Variants in ITGA6 observed in about 807,000 individuals in gnomAD.
ITGA6 encodes the protein integrin subunit alpha 6.
In ITGA6, 63 loss-of-function variants were observed where a neutral mutation model predicts 133.6. The observed-to-expected ratio is 0.47, with a 90% CI of 0.38 to 0.58. The LOEUF (loss-of-function observed/expected upper bound fraction) is 0.58, where lower values mean the gene tolerates loss of function less well. Among genes scored for constraint, ITGA6 ranks in the 20% least tolerant of loss-of-function variants. The pLI is 0.00. For synonymous variants in ITGA6, 434 were observed against 482.0 expected, an observed-to-expected ratio of 0.90 and a Z score of 1.30; for missense variants, 1,068 against 1,309.4, an observed-to-expected ratio of 0.82 and a Z score of 2.85.
chr2:172,480,180 T>A (rs2149056913), intron 11 of ITGA6, 129 bp downstream of exon 11: 2 of 699,392 alleles, frequency 2.9e-6, no homozygotes, highest in East Asian at 2.7e-5. Flanking sequence ...AAGAATTAAG[T>A]GTATGTTTTG....
At chr2:172,450,509 A>T (rs888753019) in intron 1 of ITGA6, among the ~76,000 whole-genome samples, 1 of 152,216 alleles carries the variant, frequency 6.6e-6, no homozygotes, top group African/African-American at 2.4e-5. Flanking sequence ...ACTGGAAAGG[A>T]ACTACTGAGA....
At chr2:172,494,386 T>TA (rs1225515192) in intron 23 of ITGA6, among the ~76,000 whole-genome samples, 1 of 152,078 alleles carries the variant, frequency 6.6e-6, no homozygotes, top group Admixed American at 6.5e-5. Context: ...CACATGCCTG[T>TA]ATTCCCAGCT....
chr2:172,462,643 G>A (rs146513370), intron 1 of ITGA6, among the ~76,000 whole-genome samples: 22 of 152,276 alleles, frequency 1.4e-4, no homozygotes, highest in Non-Finnish European at 2.5e-4. Context: ...TGTCCCACAC[G>A]TATTAGTTAC....
At position 172,465,662 on chromosome 2, in the gene ITGA6, T is replaced by C. The variant is rs1436079534; in HGVS notation, c.306T>C (p.Asp102=). The change falls in exon 2 of 26, where the codon GAT becomes GAC. Residue 102 remains aspartate, a splice_region_variant and synonymous_variant. Coordinates refer to ENST00000684293, the MANE Select transcript of ITGA6 (RefSeq NM_000210.4). ...GPCTRIEFDN[D]ADPTSESKED... The stretch of plus-strand genomic sequence containing the variant: ...GCACGCGGATCGAGTTTGATAACGA[T>C]GGTGCGTTCCTTTCCCTCACTCAGC... 1.1e-5 allele frequency: 17 copies of C among 1,614,040 alleles called. No homozygotes were observed. The highest frequency in any genetic ancestry group is 3.3e-4 in the Middle Eastern group (2 of 6,080).
At chr2:172,468,785 A>G (rs1238513794) in intron 3 of ITGA6, among the ~76,000 whole-genome samples, 1 of 152,226 alleles carries the variant, frequency 6.6e-6, no homozygotes, top group Non-Finnish European at 1.5e-5. Flanking sequence ...CTAAAAGCCA[A>G]TTTGAATTAA....
chr2:172,444,044 G>A (rs899078162), intron 1 of ITGA6, among the ~76,000 whole-genome samples: 4 of 152,198 alleles, frequency 2.6e-5, no homozygotes, highest in Non-Finnish European at 4.4e-5. Context: ...AAAGTTCTGG[G>A]ATTACAGGAG....
intron 1 of ITGA6, among the ~76,000 whole-genome samples, chr2:172,437,838 G>A (rs1251930735): frequency 1.3e-5 from 2 of 151,888 alleles, no homozygotes; most frequent in Non-Finnish European, 2.9e-5. Context: ...ATGGCAGGAG[G>A]AGAGGGAGGG....
At chr2:172,500,835 G>A (rs1054306047) in intron 24 of ITGA6, among the ~76,000 whole-genome samples, 3 of 152,154 alleles carry the variant, frequency 2.0e-5, no homozygotes, top group Admixed American at 6.5e-5. Flanking sequence ...AATATGGCTG[G>A]TTCACTTGAG....
chr2:172,428,022 G>A lies in ITGA6; in HGVS notation c.182+52G>A, dbSNP rs551444539. 7.0e-6 allele frequency: 11 copies of A among 1,565,464 alleles called. No homozygotes were observed. In the African/African-American group the frequency reaches 1.5e-4, roughly 22 times the overall value. On this transcript the variant is annotated intron_variant, in intron 1 of 25. Coordinates refer to ENST00000684293, the MANE Select transcript of ITGA6 (RefSeq NM_000210.4). ...CACTGGGGCGCCGGCCTGCGCGCGA[G>A]TTGAGGCGAGGGCGCGCCCTGTTCC...
At chr2:172,470,904 A>AT in intron 4 of ITGA6, 70 bp from the exon 5 acceptor site, 7 of 1,533,042 alleles carry the variant, frequency 4.6e-6, no homozygotes, top group Non-Finnish European at 6.3e-6. Context: ...GGGGATGTTT[A>AT]TTAGGAACCA....
intron 5 of ITGA6, chr2:172,472,776 C>A (rs1196446655): frequency 1.2e-6 from 2 of 1,603,124 alleles, no homozygotes; most frequent in Non-Finnish European, 8.5e-7. Flanking sequence ...GCGTACAGGC[C>A]TGCTGTTTTT....
chr2:172,432,408 C>T (rs987687521), intron 1 of ITGA6, among the ~76,000 whole-genome samples: 2 of 152,238 alleles, frequency 1.3e-5, no homozygotes, highest in African/African-American at 2.4e-5. Flanking sequence ...AGGGGTCTTA[C>T]ATTCATTTCT....
At chr2:172,437,571 A>G (rs925482500) in intron 1 of ITGA6, among the ~76,000 whole-genome samples, 7 of 152,036 alleles carry the variant, frequency 4.6e-5, no homozygotes, top group Non-Finnish European at 7.3e-5. Flanking sequence ...ATGGTTTTAG[A>G]TATGTCAGGT....
Position 172,469,367 on chromosome 2 carries a change from T to C in ITGA6, c.630T>C (p.Thr210=), listed in dbSNP as rs1685817651. 1 of 1,613,760 alleles carries C rather than the reference T, an allele frequency of 6.2e-7. No homozygotes were observed. Among genetic ancestry groups the C allele is most frequent in the African/African-American group, 1.3e-5 (1 of 74,928 alleles). The change falls in exon 4 of 26, where the codon ACT becomes ACC. Residue 210 remains threonine (T), a synonymous_variant. Transcript: ENST00000684293. ...ACATTGTATTTGGAGCCCCGGGTAC[T>C]TATAACTGGAAAGGTATGACCTTTG... ...FHYIVFGAPG[T]YNWKGIVRVE...
In ITGA6 at chr2:172,471,081, C is replaced by T. The variant is rs1210673645; in HGVS notation, c.751C>T (p.Pro251Ser). The change falls in exon 5 of 26, where the codon CCT (proline) becomes TCT (serine). Residue 251 changes from proline (P) to serine (S), a missense_variant. Around this residue, in one of 3 missense-constraint regions of ITGA6, gnomAD observed 317 missense variants for 456.9 expected, o/e 0.69. Coordinates refer to ENST00000684293, the MANE Select transcript of ITGA6 (RefSeq NM_000210.4). ...GACTGAGCATGATGAAAGTCTCGTT[C>T]CTGTTCCTGCTAACAGTTACTTAGG... is the stretch of plus-strand genomic sequence containing the variant. Reference protein sequence around the residue: ...GETEHDESLVPVPANSYLGFS... With the variant: ...GETEHDESLVSVPANSYLGFS... 1.2e-6 allele frequency: 2 copies of T among 1,614,192 alleles called. No homozygotes were observed. Among genetic ancestry groups the T allele is most frequent in the Non-Finnish European group, 8.5e-7 (1 of 1,180,016 alleles).
chr2:172,428,299 C>T (rs958862919), intron 1 of ITGA6: 9 of 158,570 alleles, frequency 5.7e-5, no homozygotes, highest in African/African-American at 1.2e-4. Context: ...GCAGGTGGCA[C>T]GCTTTGCTGA....
chr2:172,429,622 G>T, intron 1 of ITGA6, among the ~76,000 whole-genome samples: 1 of 152,212 alleles, frequency 6.6e-6, no homozygotes, highest in East Asian at 1.9e-4. Flanking sequence ...TTAGCAGCAT[G>T]CTTGCTAAAA....
chr2:172,455,928 C>A (rs905733084), intron 1 of ITGA6, among the ~76,000 whole-genome samples: 3 of 152,330 alleles, frequency 2.0e-5, no homozygotes, highest in East Asian at 3.9e-4. Flanking sequence ...GAGGCAGAGG[C>A]ACAGGGTTTG....
intron 1 of ITGA6, among the ~76,000 whole-genome samples, chr2:172,458,545 T>C (rs1006146511): frequency 1.3e-5 from 2 of 152,156 alleles, no homozygotes; most frequent in African/African-American, 4.8e-5. Flanking sequence ...GAAGAGTGGT[T>C]TGCAGTCTGA....
Sources: gnomAD v4.1 joint callset for allele counts (sites outside exome capture counted in the v4.1 genomes callset) on GRCh38, gnomAD v4.1.1 for gene constraint, gnomAD v4.1.1 regional missense constraint, MANE v1.5 for transcripts, NCBI Gene and HGNC (gene_info 2026-07-23, HGNC 2026-07-21) for gene names.